The following MYBL1 variants were observed in gnomAD, a reference collection of about 807,000 sequenced individuals.
The protein encoded by MYBL1 is MYB proto-oncogene like 1.
In MYBL1, 17 loss-of-function variants were observed where a neutral mutation model predicts 96.3. The ratio of observed to expected loss-of-function variants is 0.18; its 90% CI spans 0.12 to 0.26. MYBL1 has a LOEUF of 0.26. MYBL1 is among the 10% of genes least tolerant of loss of function. The pLI is 1.00. For synonymous variants in MYBL1, 282 were observed against 292.7 expected (o/e 0.96, Z 0.37); for missense variants, 701 against 882.9 (o/e 0.79, Z 2.61).
chr8:66,594,549 A>G (rs1310609791), intron 6 of MYBL1, among the ~76,000 whole-genome samples: 5 of 152,190 alleles, frequency 3.3e-5, no homozygotes, highest in South Asian at 2.1e-4. Flanking sequence ...CCCATGTATT[A>G]TCTTTCTACG....
intron 15 of MYBL1, 35 bp downstream of exon 15, chr8:66,566,029 A>T: frequency 2.9e-6 from 4 of 1,401,608 alleles, no homozygotes; most frequent in Non-Finnish European, 3.8e-6. Flanking sequence ...ACTAAACAAA[A>T]ACAAAAATCA....
intron 9 of MYBL1, among the ~76,000 whole-genome samples, chr8:66,577,839 C>G (rs1243334894): frequency 2.6e-5 from 4 of 152,172 alleles, no homozygotes; most frequent in Admixed American, 6.5e-5. Context: ...TACTACAAGG[C>G]TACAGTAACC....
intron 15 of MYBL1, among the ~76,000 whole-genome samples, chr8:66,565,738 A>C (rs1442633391): frequency 2.0e-5 from 3 of 152,116 alleles, no homozygotes; most frequent in Non-Finnish European, 2.9e-5. Flanking sequence ...ACCCTTTTTC[A>C]GAATAGCAAT....
At position 66,562,253 on chromosome 8, in the gene MYBL1, CCA is replaced by C. The variant is rs1808364228; in HGVS notation, c.*2442_*2443del. The C allele has an allele frequency of 6.6e-6, 1 of 152,544 alleles. No individual in the cohort carries two copies. 9.4% of individuals were successfully genotyped at this position (152,544 alleles called of 1,614,324 possible). ...CAAGATTCTCTTACAATGAAGTTTTCCATATATCACAAAACTCAATTTAGTCA... is the reference window on the plus strand; with the variant it reads ...CAAGATTCTCTTACAATGAAGTTTTCTATATCACAAAACTCAATTTAGTCA... On this transcript the variant is annotated 3_prime_UTR_variant, in exon 16 of 16. Transcript: ENST00000522677.
At chr8:66,597,196 C>A in intron 5 of MYBL1, 134 bp downstream of exon 5, 1 of 571,584 alleles carries the variant, frequency 1.7e-6, no homozygotes, top group Non-Finnish European at 2.8e-6. Context: ...CCAAAGGTTG[C>A]TTATGTTATA....
In MYBL1 at chr8:66,573,413, T is replaced by A. The variant is rs748909873; in HGVS notation, c.1564A>T (p.Thr522Ser). 1.9e-6 allele frequency: 3 copies of A among 1,612,670 alleles called. No individual in the cohort carries two copies. The highest frequency in any genetic ancestry group is 1.7e-5 in the Admixed American group (1 of 59,868). The change falls in exon 11 of 16, where the codon ACT becomes TCT. Residue 522 changes from threonine (T) to serine (S), a missense_variant. Transcript: ENST00000522677. The stretch of plus-strand genomic sequence containing the variant: ...GGAGTTGTTTCCTTATGAAGAGGAG[T>A]TGTAATGAGAGCTTTCTGCCCACAA... ...PICGQKALIT[T>S]PLHKETTPKD...
chr8:66,583,791 T>G (rs1480627758), intron 8 of MYBL1, among the ~76,000 whole-genome samples: 2 of 152,110 alleles, frequency 1.3e-5, no homozygotes, highest in African/African-American at 2.4e-5. Context: ...AACAGACCAA[T>G]TACAAGTAGC....
At chr8:66,583,641 C>T (rs1248252917) in intron 8 of MYBL1, among the ~76,000 whole-genome samples, 2 of 151,368 alleles carry the variant, frequency 1.3e-5, no homozygotes, top group African/African-American at 2.4e-5. Flanking sequence ...GACATTACAA[C>T]TAATACCACA....
rs1808405091 is a variant in MYBL1 at position 66,563,903 on chromosome 8, C to T, written c.*794G>A. 6.6e-6 allele frequency: 1 copy of T among 152,298 alleles called. No individual in the cohort carries two copies. Among genetic ancestry groups the T allele is most frequent in the African/African-American group, 2.4e-5 (1 of 41,396 alleles). The allele number at this position is 152,298 out of a possible 1,614,324, so 9.4% of individuals were successfully genotyped here. ...TGTTAGCTGTAATAACAGGAAACAA[C>T]ATTGGCTTCTAGGCACCCTGTATAC... On this transcript the variant is annotated 3_prime_UTR_variant, in exon 16 of 16. Transcript: ENST00000522677.
intron 3 of MYBL1, among the ~76,000 whole-genome samples, chr8:66,600,095 T>G (rs1810009381): frequency 6.6e-6 from 1 of 152,160 alleles, no homozygotes; most frequent in Admixed American, 6.5e-5. Flanking sequence ...TTCACCAGAA[T>G]AAGAAATCCT....
rs1586596179 is a variant in MYBL1, at chr8:66,601,762, T to C, written c.134A>G (p.Lys45Arg). 6.6e-7 allele frequency: 1 copy of C among 1,518,078 alleles called. No individual in the cohort carries two copies. Among genetic ancestry groups the C allele is most frequent in the Non-Finnish European group, 8.9e-7 (1 of 1,118,488 alleles). 94.0% of individuals were successfully genotyped at this position (1,518,078 alleles called of 1,614,324 possible). A position where few individuals can be genotyped will look rare whatever the true frequency, so the allele number is the denominator to read the frequency against. Residue 45 changes from lysine (K) to arginine (R), a missense_variant, in exon 3 of 16, where the codon AAA becomes AGA. Physicochemically the swap from Lys to Arg is conservative, Grantham distance 26. Coordinates refer to ENST00000522677, the MANE Select transcript of MYBL1 (RefSeq NM_001080416.4). ...RVKWTRDEDD[K>R]LKKLVEQHGT... ...ATGTTGTTCAACCAACTTCTTTAAT[T>C]TATCATCCTATTAAAACAGTACAAA...
chr8:66,570,891 A>G (rs1000966037), intron 12 of MYBL1, among the ~76,000 whole-genome samples: 1 of 152,220 alleles, frequency 6.6e-6, no homozygotes, highest in African/African-American at 2.4e-5. Flanking sequence ...AACTCTAGGA[A>G]GCTCTAAAGG....
intron 1 of MYBL1, among the ~76,000 whole-genome samples, chr8:66,610,443 T>TA (rs1036213023): frequency 1.3e-5 from 2 of 151,808 alleles, no homozygotes; most frequent in African/African-American, 4.8e-5. Context: ...AAACATATAT[T>TA]ACAGGATTTA....
intron 1 of MYBL1, among the ~76,000 whole-genome samples, chr8:66,609,351 T>C (rs1810439149): frequency 6.6e-6 from 1 of 152,048 alleles, no homozygotes; most frequent in Non-Finnish European, 1.5e-5. Context: ...TCTATAAATT[T>C]GCTCTAGTAA....
intron 3 of MYBL1, among the ~76,000 whole-genome samples, chr8:66,601,028 T>C (rs1316339400): frequency 6.6e-6 from 1 of 151,260 alleles, no homozygotes; most frequent in Non-Finnish European, 1.5e-5. Context: ...ATACAAAAAG[T>C]TAGACGGATG....
At chr8:66,598,611 C>G (rs188482485) in intron 4 of MYBL1, among the ~76,000 whole-genome samples, 6 of 152,252 alleles carry the variant, frequency 3.9e-5, no homozygotes, top group Admixed American at 2.6e-4. Flanking sequence ...ACATGATGCT[C>G]TGACATCTGT....
At position 66,609,326 on chromosome 8, in the gene MYBL1, AAG is replaced by A. The variant is rs1410564055; in HGVS notation, c.20+3491_20+3492del. Among the ~76,000 whole-genome samples, 13 of 152,198 alleles carry A rather than the reference AAG, an allele frequency of 8.5e-5. No individual in the cohort carries two copies. In the East Asian group the frequency reaches 2.5e-3, roughly 29 times the overall value. On this transcript the variant is annotated intron_variant, in intron 1 of 15. Coordinates refer to ENST00000522677, the MANE Select transcript of MYBL1 (RefSeq NM_001080416.4). ...TTTTTAAATTTTTTATTCTAAAAGA[AAG>A]AGAAATACCGGTTCTATAAATTTGC...
At chr8:66,571,160 A>C (rs1808713450) in intron 12 of MYBL1, among the ~76,000 whole-genome samples, 1 of 152,368 alleles carries the variant, frequency 6.6e-6, no homozygotes, top group Non-Finnish European at 1.5e-5. Flanking sequence ...TTTCTAAAGA[A>C]CTTGTCAGAA....
At chr8:66,572,800 A>G (rs776998588) in intron 11 of MYBL1, among the ~76,000 whole-genome samples, 1 of 152,214 alleles carries the variant, frequency 6.6e-6, no homozygotes. Flanking sequence ...AAAAGAATTA[A>G]TATAGAAAAA....
Sources: allele counts gnomAD v4.1 joint callset (sites outside exome capture counted in the v4.1 genomes callset), GRCh38; gene constraint gnomAD v4.1.1; transcripts MANE v1.5; gene names NCBI Gene and HGNC (gene_info 2026-07-23, HGNC 2026-07-21).